FAF1: variants seen among roughly 807,000 people sequenced by gnomAD.
FAF1 encodes the protein FAS-associated factor 1.
FAF1 carries 25 observed loss-of-function variants against 92.5 expected under a neutral mutation model. That is an observed-to-expected ratio of 0.27 (90% CI 0.20 to 0.38). FAF1 has a LOEUF of 0.38. Ranked by LOEUF, FAF1 falls within the 10% of genes least tolerant of loss-of-function variation. The pLI is 1.00. For missense variants in FAF1, 636 were observed against 793.3 expected (o/e 0.80, Z 2.38); for synonymous variants, 234 against 273.2 (o/e 0.86, Z 1.42).
At chr1:50,702,196 T>C (rs1657502180) in intron 7 of FAF1, among the ~76,000 whole-genome samples, 1 of 152,116 alleles carries the variant, frequency 6.6e-6, no homozygotes, top group Non-Finnish European at 1.5e-5. Flanking sequence ...CACCTGGGTT[T>C]TGGATTTGCT....
chr1:50,783,463 A>G (rs2124565726), intron 4 of FAF1, among the ~76,000 whole-genome samples: 1 of 152,360 alleles, frequency 6.6e-6, no homozygotes, highest in South Asian at 2.1e-4. Flanking sequence ...TCAACAAAAT[A>G]TTAGCGAAAC....
At chr1:50,492,787 G>A (rs956500743) in intron 15 of FAF1, among the ~76,000 whole-genome samples, 2 of 152,170 alleles carry the variant, frequency 1.3e-5, no homozygotes, top group African/African-American at 2.4e-5. Flanking sequence ...TCTCTTAGGT[G>A]AGATAGCTAA....
At chr1:50,496,096 G>T (rs991611383) in intron 15 of FAF1, among the ~76,000 whole-genome samples, 10 of 152,112 alleles carry the variant, frequency 6.6e-5, no homozygotes, top group Non-Finnish European at 1.5e-4. Flanking sequence ...TAGTGTTAAA[G>T]ATTAGTAATC....
At chr1:50,570,418 C>T (rs1422941321) in intron 12 of FAF1, among the ~76,000 whole-genome samples, 2 of 152,158 alleles carry the variant, frequency 1.3e-5, no homozygotes, top group East Asian at 3.9e-4. Context: ...GCTCGCCTCG[C>T]CCCTCTTTTC....
At chr1:50,501,628 T>C (rs897757662) in intron 15 of FAF1, among the ~76,000 whole-genome samples, 1 of 147,012 alleles carries the variant, frequency 6.8e-6, no homozygotes, top group Admixed American at 6.9e-5. Flanking sequence ...ACCACTGCAC[T>C]CCAGCCTGGG....
intron 8 of FAF1, among the ~76,000 whole-genome samples, chr1:50,623,294 G>A (rs968279546): frequency 3.3e-5 from 5 of 152,092 alleles, no homozygotes; most frequent in East Asian, 1.9e-4. Flanking sequence ...TAGGACAGGC[G>A]TGGTGGCTCA....
intron 7 of FAF1, among the ~76,000 whole-genome samples, chr1:50,704,960 T>C (rs906036298): frequency 6.6e-6 from 1 of 152,192 alleles, no homozygotes; most frequent in Non-Finnish European, 1.5e-5. Flanking sequence ...TTTTAAGAAA[T>C]GTAGTCTAAG....
intron 2 of FAF1, among the ~76,000 whole-genome samples, chr1:50,853,463 G>T (rs1208197823): frequency 1.3e-5 from 2 of 152,102 alleles, no homozygotes. Context: ...ACTCTTGTAG[G>T]TTGAAACATG....
chr1:50,767,334 T>C (rs903019423), intron 4 of FAF1, among the ~76,000 whole-genome samples: 5 of 152,268 alleles, frequency 3.3e-5, no homozygotes, highest in Middle Eastern at 3.4e-3. Flanking sequence ...CACATCTACA[T>C]CTCACTGGTG....
At chr1:50,666,435 G>A (rs767822131) in intron 7 of FAF1, among the ~76,000 whole-genome samples, 68 of 152,018 alleles carry the variant, frequency 4.5e-4, no homozygotes, top group Admixed American at 9.8e-4. Context: ...TCAAACCCCT[G>A]GACTCAAGCA....
chr1:50,744,312 GT>G (rs1659506237), intron 5 of FAF1, among the ~76,000 whole-genome samples: 1 of 152,130 alleles, frequency 6.6e-6, no homozygotes, highest in Non-Finnish European at 1.5e-5. Flanking sequence ...TACGCTGCAT[GT>G]GACTTCTTTC....
At chr1:50,558,848 G>A (rs542316268) in intron 13 of FAF1, among the ~76,000 whole-genome samples, 47 of 152,286 alleles carry the variant, frequency 3.1e-4, no homozygotes, top group African/African-American at 1.1e-3. Flanking sequence ...GTGCAACCAG[G>A]CAGTTATAAC....
rs1000556077 is a variant in FAF1 at position 50,643,319 on chromosome 1, C to T, written c.744+12123G>A. ...TTATAATGTAGGATCACTAATGGTA[C>T]ACTTCCATTCTGGTTTTTTTTTTGT... On this transcript the variant is annotated intron_variant, in intron 8 of 18. Coordinates refer to ENST00000396153, the MANE Select transcript of FAF1 (RefSeq NM_007051.3). 2.0e-5 allele frequency among the ~76,000 whole-genome samples: 3 copies of T among 151,944 alleles called. No homozygotes were observed. In the South Asian group the frequency reaches 6.2e-4, roughly 31 times the overall value.
chr1:50,950,360 C>T (rs995090594), intron 1 of FAF1, among the ~76,000 whole-genome samples: 3 of 152,168 alleles, frequency 2.0e-5, no homozygotes, highest in Admixed American at 2.0e-4. Flanking sequence ...TTACTAAAAC[C>T]TAGAAAAGTA....
At chr1:50,738,841 C>T in intron 6 of FAF1, 22 bp downstream of exon 6, 1 of 1,472,550 alleles carries the variant, frequency 6.8e-7, no homozygotes, top group Non-Finnish European at 9.4e-7. Context: ...TTTCATGTTC[C>T]CAGGAAATAT....
intron 15 of FAF1, 77 bp from the exon 16 acceptor site, chr1:50,491,878 T>A: frequency 9.3e-7 from 1 of 1,072,428 alleles, no homozygotes; most frequent in Non-Finnish European, 1.4e-6. Context: ...CTAATGGTAA[T>A]CCCTTTTTTA....
intron 6 of FAF1, among the ~76,000 whole-genome samples, chr1:50,721,787 C>A (rs1658423526): frequency 2.0e-5 from 3 of 152,056 alleles, no homozygotes. Flanking sequence ...CTATGCCTGG[C>A]TGATTTTTTA....
chr1:50,871,215 AG>A (rs1264232670), intron 1 of FAF1, among the ~76,000 whole-genome samples: 1 of 152,260 alleles, frequency 6.6e-6, no homozygotes, highest in Non-Finnish European at 1.5e-5. Flanking sequence ...AAGAAGTTCA[AG>A]GAAGGAAGTC....
At position 50,560,124 on chromosome 1, in the gene FAF1, A is replaced by C. The variant is rs571846043; in HGVS notation, c.1268+6953T>G. 5.3e-5 allele frequency among the ~76,000 whole-genome samples: 8 copies of C among 152,326 alleles called. No individual in the cohort carries two copies. The East Asian group carries it at 1.3e-3, about 26-fold the overall frequency. ...TATTTGCCAGATCAAATGGAAGTGTAGGGTTAGAGTAACATGGTCAGCAAG... is the reference window on the plus strand; with the variant it reads ...TATTTGCCAGATCAAATGGAAGTGTCGGGTTAGAGTAACATGGTCAGCAAG... On this transcript the variant is annotated intron_variant, in intron 13 of 18. Transcript: ENST00000396153.
Sources: allele counts gnomAD v4.1 joint callset (sites outside exome capture counted in the v4.1 genomes callset), GRCh38; gene constraint gnomAD v4.1.1; transcripts MANE v1.5; gene names NCBI Gene and HGNC (gene_info 2026-07-23, HGNC 2026-07-21).